Variants in PKP2 observed in about 807,000 individuals in gnomAD.
The protein encoded by PKP2 is plakophilin 2, also known as plakophilin-2.
Under a neutral mutation model 83.4 loss-of-function variants are expected in PKP2, and 73 were observed. That is an observed-to-expected ratio of 0.88 (90% CI 0.72 to 1.06). PKP2 has a LOEUF of 1.06. Among genes scored for constraint, PKP2 ranks in the 50% least tolerant of loss-of-function variants. The pLI is 0.00. For missense variants in PKP2, 966 were observed against 1,065.4 expected (o/e 0.91, Z 1.30); for synonymous variants, 409 against 430.4 (o/e 0.95, Z 0.62).
At chr12:32,803,100 T>C (rs1211800846) in intron 9 of PKP2, among the ~76,000 whole-genome samples, 1 of 151,984 alleles carries the variant, frequency 6.6e-6, no homozygotes, top group Non-Finnish European at 1.5e-5. Flanking sequence ...CCGGGTGTGG[T>C]GGCTCACACC....
intron 3 of PKP2, among the ~76,000 whole-genome samples, chr12:32,870,557 TGA>T (rs1956887074): frequency 6.6e-6 from 1 of 152,160 alleles, no homozygotes; most frequent in African/African-American, 2.4e-5. Context: ...AACTAGAATT[TGA>T]GTCACTTTTA....
intron 5 of PKP2, among the ~76,000 whole-genome samples, chr12:32,846,908 A>G (rs1340428727): frequency 6.6e-6 from 1 of 152,152 alleles, no homozygotes; most frequent in Non-Finnish European, 1.5e-5. Context: ...ACTCAGATAC[A>G]ACTAGGTTCA....
intron 4 of PKP2, among the ~76,000 whole-genome samples, chr12:32,863,930 T>C (rs936138718): frequency 1.6e-4 from 25 of 152,192 alleles, no homozygotes; most frequent in African/African-American, 6.0e-4. Context: ...GCAAATCTAG[T>C]CATAAAACCT....
chr12:32,846,629 C>T (rs142916415), intron 5 of PKP2, among the ~76,000 whole-genome samples: 61 of 151,924 alleles, frequency 4.0e-4, no homozygotes, highest in African/African-American at 1.4e-3. Context: ...CCTGTAATCC[C>T]AGCTACTTGG....
At chr12:32,834,871 A>T (rs1462821122) in intron 6 of PKP2, among the ~76,000 whole-genome samples, 1 of 151,828 alleles carries the variant, frequency 6.6e-6, no homozygotes, top group Non-Finnish European at 1.5e-5. Flanking sequence ...GTGATGTAGA[A>T]AACAGAGTTA....
At chr12:32,806,284 AT>A (rs1214547169) in intron 9 of PKP2, among the ~76,000 whole-genome samples, 2 of 152,186 alleles carry the variant, frequency 1.3e-5, no homozygotes, top group African/African-American at 4.8e-5. Context: ...TTCAGTAGAA[AT>A]GGTACCTACC....
chr12:32,823,328 A>G (rs1026306498), intron 7 of PKP2, among the ~76,000 whole-genome samples: 1 of 150,964 alleles, frequency 6.6e-6, no homozygotes, highest in Non-Finnish European at 1.5e-5. Context: ...GAGGCAGGAG[A>G]ATTGCTTGAA....
At chr12:32,798,066 A>G (rs1323608368) in intron 10 of PKP2, among the ~76,000 whole-genome samples, 1 of 145,680 alleles carries the variant, frequency 6.9e-6, no homozygotes, top group Non-Finnish European at 1.5e-5. Flanking sequence ...TTTCCAATAC[A>G]TAAGTAATAC....
intron 1 of PKP2, among the ~76,000 whole-genome samples, chr12:32,889,377 G>A (rs1957058328): frequency 6.6e-6 from 1 of 152,206 alleles, no homozygotes. Flanking sequence ...ATTTTAGAAA[G>A]TTCACTCTAG....
chr12:32,845,536 A>G (rs1427942935), intron 5 of PKP2, among the ~76,000 whole-genome samples: 1 of 152,226 alleles, frequency 6.6e-6, no homozygotes, highest in Non-Finnish European at 1.5e-5. Flanking sequence ...TCGGCAACAG[A>G]GCGAGACTCC....
intron 6 of PKP2, 170 bp from the exon 7 acceptor site, chr12:32,824,332 T>C: frequency 1.6e-6 from 1 of 636,470 alleles, no homozygotes; most frequent in Non-Finnish European, 2.8e-6. Flanking sequence ...ATAGATCAAC[T>C]ATGAACATAC....
In PKP2 at chr12:32,868,919, ACACT is replaced by A. The variant is rs397516988; in HGVS notation, c.1170+4_1170+7del. ...TGCGCTTTGCAATGGACTGAAGATG[ACACT>A]CACCCTCTTCCGAGCTTCAGATTTC... On this transcript the variant is annotated splice_donor_5th_base_variant and intron_variant, in intron 4 of 12. Transcript: ENST00000340811. The A allele has an allele frequency of 1.9e-6, 3 of 1,611,838 alleles. No homozygotes were observed. The highest frequency in any genetic ancestry group is 1.1e-5 in the South Asian group (1 of 91,002).
At chr12:32,870,975 T>G (rs1956891294) in intron 3 of PKP2, among the ~76,000 whole-genome samples, 1 of 152,178 alleles carries the variant, frequency 6.6e-6, no homozygotes, top group Non-Finnish European at 1.5e-5. Context: ...AAAAAATTCC[T>G]AAACTAAGTG....
rs1002299276 is a variant in PKP2, at chr12:32,845,743, A to G, written c.1379-4538T>C. ...AATGACCGCTCGGACAAGGACAAGA[A>G]AGAAAACTGGTTCTTTTTAACCGTG... is the stretch of plus-strand genomic sequence containing the variant. On this transcript the variant is annotated intron_variant, in intron 5 of 12. Coordinates refer to ENST00000340811, the MANE Select transcript of PKP2 (RefSeq NM_001005242.3). Among the ~76,000 whole-genome samples the G allele has an allele frequency of 3.9e-5, 6 of 152,174 alleles. No homozygotes were observed. The East Asian group carries it at 1.2e-3, about 29-fold the overall frequency.
At chr12:32,839,969 T>C (rs1432604677) in intron 6 of PKP2, among the ~76,000 whole-genome samples, 1 of 152,206 alleles carries the variant, frequency 6.6e-6, no homozygotes, top group African/African-American at 2.4e-5. Flanking sequence ...TCTTTTCTAG[T>C]GCCCTTCTGA....
intron 4 of PKP2, among the ~76,000 whole-genome samples, chr12:32,860,099 A>C (rs1472316877): frequency 6.6e-6 from 1 of 152,204 alleles, no homozygotes; most frequent in Non-Finnish European, 1.5e-5. Flanking sequence ...GCGATCCCTT[A>C]GATATCACTG....
chr12:32,870,744 T>A (rs1402048656), intron 3 of PKP2, among the ~76,000 whole-genome samples: 1 of 152,148 alleles, frequency 6.6e-6, no homozygotes, highest in Non-Finnish European at 1.5e-5. Flanking sequence ...TGAAAGATCA[T>A]TCATAAGAAC....
intron 5 of PKP2, among the ~76,000 whole-genome samples, chr12:32,844,275 T>C (rs1956626565): frequency 6.6e-6 from 1 of 152,198 alleles, no homozygotes; most frequent in African/African-American, 2.4e-5. Context: ...GAATTACATA[T>C]GCTCATACAC....
chr12:32,844,366 C>T (rs1956627762), intron 5 of PKP2, among the ~76,000 whole-genome samples: 1 of 152,016 alleles, frequency 6.6e-6, no homozygotes, highest in Non-Finnish European at 1.5e-5. Context: ...GTTTAATACT[C>T]TTAATATATA....
Sources: gnomAD v4.1 joint callset for allele counts (sites outside exome capture counted in the v4.1 genomes callset) on GRCh38, gnomAD v4.1.1 for gene constraint, MANE v1.5 for transcripts, NCBI Gene and HGNC (gene_info 2026-07-23, HGNC 2026-07-21) for gene names.